Variants in PTPRN2 observed in about 807,000 individuals in gnomAD.
PTPRN2 encodes the protein receptor-type tyrosine-protein phosphatase N2.
In PTPRN2, 74 loss-of-function variants were observed where a neutral mutation model predicts 118.8. The ratio of observed to expected loss-of-function variants is 0.62; its 90% CI spans 0.52 to 0.76. The LOEUF (loss-of-function observed/expected upper bound fraction) is 0.76, where lower values mean the gene tolerates loss of function less well. Among genes scored for constraint, PTPRN2 ranks in the 30% least tolerant of loss-of-function variants. The pLI is 0.00. For synonymous variants in PTPRN2, 641 were observed against 608.0 expected (o/e 1.05, Z -0.80); for missense variants, 1,481 against 1,394.4 (o/e 1.06, Z -0.99).
At chr7:158,138,651 G>C in intron 6 of PTPRN2, 136 bp from the exon 7 acceptor site, 1 of 710,874 alleles carries the variant, frequency 1.4e-6, no homozygotes, top group South Asian at 1.8e-5. Context: ...GCAGGCCAGT[G>C]CTCAGAGAAG....
At chr7:158,350,006 C>T (rs73510383) in intron 2 of PTPRN2, among the ~76,000 whole-genome samples, 103 of 152,270 alleles carry the variant, frequency 6.8e-4, no homozygotes, top group African/African-American at 2.4e-3. Flanking sequence ...GGATACAGCA[C>T]GGATTCCTTC....
At chr7:158,545,102 T>TG (rs35829644) in intron 1 of PTPRN2, among the ~76,000 whole-genome samples, 5,931 of 152,334 alleles carry the variant, frequency 0.039, 373 homozygotes, top group African/African-American at 0.13. Context: ...GAGCTGGCTC[T>TG]CACTTCCAGC....
intron 9 of PTPRN2, among the ~76,000 whole-genome samples, chr7:158,123,355 G>A (rs1019688710): frequency 2.0e-5 from 3 of 152,222 alleles, no homozygotes; most frequent in African/African-American, 2.4e-5. Flanking sequence ...ACTGACAGGC[G>A]CCACAGTATC....
chr7:157,741,491 A>G (rs1304837237), intron 12 of PTPRN2, among the ~76,000 whole-genome samples: 1 of 152,130 alleles, frequency 6.6e-6, no homozygotes, highest in Non-Finnish European at 1.5e-5. Flanking sequence ...CATCTTGTCT[A>G]GGATGCTTCT....
At chr7:158,007,371 A>G (rs1203156777) in intron 11 of PTPRN2, among the ~76,000 whole-genome samples, 1 of 151,958 alleles carries the variant, frequency 6.6e-6, no homozygotes, top group Admixed American at 6.6e-5. Context: ...TGGCCCTAAC[A>G]TTTCCTTTGC....
At chr7:157,861,000 G>A (rs1236814689) in intron 12 of PTPRN2, among the ~76,000 whole-genome samples, 1 of 152,366 alleles carries the variant, frequency 6.6e-6, no homozygotes, top group Non-Finnish European at 1.5e-5. Flanking sequence ...ATAAAGAAAT[G>A]TGGCCCAGTC....
chr7:157,802,461 C>T (rs79858295), intron 12 of PTPRN2, among the ~76,000 whole-genome samples: 15 of 152,312 alleles, frequency 9.8e-5, no homozygotes, highest in Middle Eastern at 3.4e-3. Flanking sequence ...CTATGCACCA[C>T]GCTTTCCTGC....
intron 14 of PTPRN2, among the ~76,000 whole-genome samples, chr7:157,650,410 A>G (rs950171732): frequency 6.6e-6 from 1 of 152,210 alleles, no homozygotes; most frequent in African/African-American, 2.4e-5. Flanking sequence ...GGCTCCTCCA[A>G]ATGTGCGCCA....
intron 11 of PTPRN2, among the ~76,000 whole-genome samples, chr7:158,012,055 C>T (rs1231046042): frequency 2.6e-5 from 4 of 152,110 alleles, no homozygotes; most frequent in Non-Finnish European, 4.4e-5. Context: ...GATGAAGCTG[C>T]CCCGATCCCG....
chr7:157,604,129 A>T, intron 15 of PTPRN2, 54 bp from the exon 16 acceptor site: 1 of 1,559,806 alleles, frequency 6.4e-7, no homozygotes, highest in Non-Finnish European at 8.8e-7. Flanking sequence ...CAGCAGTGTG[A>T]GACCCCCACT....
At position 158,383,856 on chromosome 7, in the gene PTPRN2, C is replaced by T. The variant is rs1811135826; in HGVS notation, c.164-66924G>A. Among the ~76,000 whole-genome samples the T allele has an allele frequency of 2.6e-5, 4 of 152,180 alleles. No individual in the cohort carries two copies. In the East Asian group the frequency reaches 7.7e-4, roughly 29 times the overall value. On this transcript the variant is annotated intron_variant, in intron 2 of 22. Coordinates refer to ENST00000389418, the MANE Select transcript of PTPRN2 (RefSeq NM_002847.5). The stretch of plus-strand genomic sequence containing the variant: ...GTTTGTGATGTTAATGACTTTTTTA[C>T]AGAATTACGTAATAACGTCATTAGT...
chr7:158,490,928 CA>C (rs1338576964), intron 1 of PTPRN2, among the ~76,000 whole-genome samples: 1 of 152,222 alleles, frequency 6.6e-6, no homozygotes, highest in Non-Finnish European at 1.5e-5. Context: ...TGTTTCCTCC[CA>C]TGCCCTCTGT....
At chr7:158,289,496 C>T (rs574000461) in intron 3 of PTPRN2, among the ~76,000 whole-genome samples, 11 of 152,156 alleles carry the variant, frequency 7.2e-5, no homozygotes, top group Non-Finnish European at 1.6e-4. Flanking sequence ...TCCAGAGTTT[C>T]TAGAATTTTT....
intron 2 of PTPRN2, among the ~76,000 whole-genome samples, chr7:158,340,527 C>T (rs1442377859): frequency 7.8e-6 from 1 of 128,632 alleles, no homozygotes; most frequent in Non-Finnish European, 1.7e-5. Flanking sequence ...ACATTCTCAC[C>T]ATAAGAGCTG....
chr7:158,252,813 C>T (rs1007949670), intron 3 of PTPRN2, among the ~76,000 whole-genome samples: 8 of 152,200 alleles, frequency 5.3e-5, no homozygotes, highest in African/African-American at 1.9e-4. Context: ...TCCCCAAATC[C>T]AATCCTCCCC....
intron 2 of PTPRN2, among the ~76,000 whole-genome samples, chr7:158,359,893 G>A (rs1384920674): frequency 6.6e-6 from 1 of 152,110 alleles, no homozygotes; most frequent in Non-Finnish European, 1.5e-5. Flanking sequence ...CCTCCTTGGT[G>A]CCCAAGACCT....
chr7:158,567,748 G>A (rs1045746679), intron 1 of PTPRN2, among the ~76,000 whole-genome samples: 2 of 152,146 alleles, frequency 1.3e-5, no homozygotes, highest in Non-Finnish European at 2.9e-5. Context: ...CAAGCCCAGT[G>A]AACACTGGGG....
intron 11 of PTPRN2, among the ~76,000 whole-genome samples, chr7:158,009,527 A>T (rs1805893579): frequency 6.6e-6 from 1 of 152,176 alleles, no homozygotes. Context: ...TAATAGATAA[A>T]ATGTTTCCAA....
At chr7:158,137,498 C>T (rs1024302429) in intron 7 of PTPRN2, among the ~76,000 whole-genome samples, 1 of 152,182 alleles carries the variant, frequency 6.6e-6, no homozygotes, top group African/African-American at 2.4e-5. Flanking sequence ...GGCACCTGAA[C>T]AGTGCCCCTG....
Sources: gnomAD v4.1 joint callset for allele counts (sites outside exome capture counted in the v4.1 genomes callset) on GRCh38, gnomAD v4.1.1 for gene constraint, MANE v1.5 for transcripts, NCBI Gene and HGNC (gene_info 2026-07-23, HGNC 2026-07-21) for gene names.